USP6: variants seen among roughly 807,000 people sequenced by gnomAD.
USP6 encodes ubiquitin carboxyl-terminal hydrolase 6.
Under a neutral mutation model 175.7 loss-of-function variants are expected in USP6, and 128 were observed. The observed-to-expected ratio is 0.73, with a 90% CI of 0.63 to 0.84. The LOEUF (loss-of-function observed/expected upper bound fraction) is 0.84. Among genes scored for constraint, USP6 ranks in the 40% least tolerant of loss-of-function variants. The probability of loss-of-function intolerance (pLI) is 0.00; values close to 1 mark genes in which losing one functional copy is unlikely to be tolerated. For missense variants in USP6, 1,498 were observed against 1,760.3 expected, an observed-to-expected ratio of 0.85 and a Z score of 2.67; for synonymous variants, 562 against 630.6, an observed-to-expected ratio of 0.89 and a Z score of 1.63.
intron 30 of USP6, among the ~76,000 whole-genome samples, chr17:5,153,519 C>T (rs1039414461): frequency 1.8e-4 from 28 of 152,188 alleles, no homozygotes; most frequent in Non-Finnish European, 3.8e-4. Flanking sequence ...CTCCCGACCT[C>T]AGGTGATCCA....
chr17:5,126,234 A>T (rs1180720672), intron 6 of USP6, among the ~76,000 whole-genome samples: 2 of 152,176 alleles, frequency 1.3e-5, no homozygotes, highest in Non-Finnish European at 2.9e-5. Flanking sequence ...CCAGCTGCTT[A>T]GGGCCCAAGC....
At chr17:5,127,875 C>T (rs2072941254) in intron 7 of USP6, among the ~76,000 whole-genome samples, 2 of 152,182 alleles carry the variant, frequency 1.3e-5, no homozygotes, top group African/African-American at 4.8e-5. Context: ...ATGACAAGAA[C>T]AACGTCTGCA....
rs968113816 is a variant in USP6 at position 5,174,781 on chromosome 17, A to T, written c.*1803A>T. The T allele has an allele frequency of 1.0e-5, 2 of 199,678 alleles. No individual in the cohort carries two copies. The highest frequency in any genetic ancestry group is 2.1e-5 in the Non-Finnish European group (2 of 96,564). The allele number at this position is 199,678 out of a possible 1,614,324, so 12.4% of individuals were successfully genotyped here. A position where few individuals can be genotyped will look rare whatever the true frequency, so the allele number is the denominator to read the frequency against. ...CGGAAAATTTATTAAATTAACTATTAACTACATTCACCTTGTAAATTACTG... is the reference window on the plus strand; with the variant it reads ...CGGAAAATTTATTAAATTAACTATTTACTACATTCACCTTGTAAATTACTG... On this transcript the variant is annotated 3_prime_UTR_variant, in exon 38 of 38. Transcript: ENST00000574788.
rs117552317 is a variant in USP6, at chr17:5,164,706, G to A, written c.3036+1702G>A. Among the ~76,000 whole-genome samples, 68 of 152,346 alleles carry A rather than the reference G, an allele frequency of 4.5e-4. 1 individual carries two copies. The East Asian group carries it at 0.012, about 26-fold the overall frequency. On this transcript the variant is annotated intron_variant, in intron 33 of 37. Transcript: ENST00000574788. The stretch of plus-strand genomic sequence containing the variant: ...TGTTGATGCCTTGCTAGGGAGTGGG[G>A]CCATATGCCTAATCGGGGCTCCACT...
chr17:5,133,390 C>G, intron 13 of USP6, 53 bp from the exon 14 acceptor site: 1 of 1,534,912 alleles, frequency 6.5e-7, no homozygotes, highest in East Asian at 2.3e-5. Flanking sequence ...AGGCTCTGGT[C>G]CTCACTGGGG....
At position 5,174,651 on chromosome 17, in the gene USP6, A is replaced by G. The variant is rs1230073870; in HGVS notation, c.*1673A>G. 4 of 198,066 alleles carry G rather than the reference A, an allele frequency of 2.0e-5. No homozygotes were observed. Among genetic ancestry groups the G allele is most frequent in the Non-Finnish European group, 4.2e-5 (4 of 95,482 alleles). 12.3% of individuals were successfully genotyped at this position (198,066 alleles called of 1,614,324 possible). On this transcript the variant is annotated 3_prime_UTR_variant, in exon 38 of 38. Coordinates refer to ENST00000574788, the MANE Select transcript of USP6 (RefSeq NM_001304284.2). ...CCCATTAAAAAGTGGAAGATTTTAAATAATTTCTTTACAGATGTTTTATTT... is the reference window on the plus strand; with the variant it reads ...CCCATTAAAAAGTGGAAGATTTTAAGTAATTTCTTTACAGATGTTTTATTT...
At chr17:5,120,170 A>G (rs567054121) in intron 2 of USP6, among the ~76,000 whole-genome samples, 1 of 152,126 alleles carries the variant, frequency 6.6e-6, no homozygotes, top group Non-Finnish European at 1.5e-5. Context: ...GGCTGGTTAT[A>G]CATTGCTTTC....
chr17:5,117,835 C>CAA (rs2072569240), intron 1 of USP6, among the ~76,000 whole-genome samples: 1 of 152,116 alleles, frequency 6.6e-6, no homozygotes, highest in African/African-American at 2.4e-5. Flanking sequence ...TGGCTCACAC[C>CAA]TGTAATCCCA....
chr17:5,143,344 C>T (rs1047040242), intron 25 of USP6, among the ~76,000 whole-genome samples: 3 of 152,324 alleles, frequency 2.0e-5, no homozygotes, highest in East Asian at 3.9e-4. Flanking sequence ...ATTGAGAAAT[C>T]GGATGGTTGC....
chr17:5,136,799 G>T, intron 18 of USP6, 65 bp downstream of exon 18: 2 of 1,588,028 alleles, frequency 1.3e-6, no homozygotes, highest in South Asian at 1.1e-5. Flanking sequence ...TAGGAGCAGG[G>T]GGACTGGAGT....
chr17:5,142,194 A>G (rs2073467820), intron 24 of USP6, 53 bp downstream of exon 24: 1 of 1,577,200 alleles, frequency 6.3e-7, no homozygotes, highest in South Asian at 1.2e-5. Context: ...ATATAAACCC[A>G]CTATCACCTA....
intron 4 of USP6, 94 bp from the exon 5 acceptor site, chr17:5,124,472 T>C (rs2072826791): frequency 6.6e-6 from 1 of 152,326 alleles, no homozygotes; most frequent in African/African-American, 2.4e-5. Context: ...GATGGATTCC[T>C]GTCTACCCTC....
At chr17:5,170,346 G>A (rs865988833) in intron 35 of USP6, 133 bp from the exon 36 acceptor site, 5 of 1,354,480 alleles carry the variant, frequency 3.7e-6, no homozygotes, top group East Asian at 2.4e-5. Flanking sequence ...GGAACCAAAG[G>A]GTAGCCAGTC....
At position 5,168,859 on chromosome 17, in the gene USP6, T is replaced by G; in HGVS notation, c.3321T>G (p.Ser1107Arg). 6.2e-7 allele frequency: 1 copy of G among 1,612,842 alleles called. No homozygotes were observed. The highest frequency in any genetic ancestry group is 2.2e-5 in the East Asian group (1 of 44,882). ...VRFLRESFDPSAFLVPRDPAL... is the reference protein window; with the variant it reads ...VRFLRESFDPRAFLVPRDPAL... ...TTCTTCGGGAAAGTTTTGATCCGAG[T>G]GCTTTTTTGGTACCACGAGACCCGG... Residue 1107 changes from serine to arginine, a missense_variant, in exon 35 of 38, where the codon AGT (serine) becomes AGG (arginine). Ser to Arg is a moderately radical substitution (Grantham distance 110, BLOSUM62 -1). This residue lies in a region of USP6 where 1,217 missense variants were observed against 1,500.8 expected (regional missense o/e 0.81). Transcript: ENST00000574788.
chr17:5,125,678 G>GCACACACACACACACACACACACACACA (rs71151842), intron 5 of USP6, 143 bp from the exon 6 acceptor site: 1 of 137,592 alleles, frequency 7.3e-6, no homozygotes, highest in African/African-American at 2.8e-5. Context: ...ACACGCACAT[G>GCACACACACACACACACACACACACACA]CACACACACA....
rs1224683534 is a variant in USP6 at position 5,162,911 on chromosome 17, T to C, written c.2943T>C (p.Cys981=). Residue 981 remains cysteine (C), a synonymous_variant, in exon 33 of 38, where the codon TGT becomes TGC. Coordinates refer to ENST00000574788, the MANE Select transcript of USP6 (RefSeq NM_001304284.2). The part of the protein sequence containing the change: ...YRFCRGCKID[C]GEDRAFIGNA... ...TTTGCAGAGGCTGTAAAATTGATTG[T>C]GGGGAAGACAGAGCTTTCATTGGAA... 3.7e-6 allele frequency: 6 copies of C among 1,606,596 alleles called. No homozygotes were observed. Among genetic ancestry groups the C allele is most frequent in the African/African-American group, 1.3e-5 (1 of 74,486 alleles).
intron 30 of USP6, among the ~76,000 whole-genome samples, chr17:5,150,624 A>T (rs867404397): frequency 2.0e-5 from 3 of 151,660 alleles, no homozygotes; most frequent in African/African-American, 7.3e-5. Context: ...CCTCCCGAGT[A>T]GCTAGGACTA....
Position 5,173,064 on chromosome 17 carries a change from C to A in USP6, c.*86C>A. 6.7e-7 allele frequency: 1 copy of A among 1,497,034 alleles called. No homozygotes were observed. 92.7% of individuals were successfully genotyped at this position (1,497,034 alleles called of 1,614,324 possible). On this transcript the variant is annotated 3_prime_UTR_variant, in exon 38 of 38. Transcript: ENST00000574788. ...ACTTGGCAAAAGTGTCACTGAAAGA[C>A]AAGCTAAATGTAGTTATTTTATCCT...
chr17:5,147,175 T>C lies in USP6; in HGVS notation c.2412T>C (p.Ala804=). ...CTGTCCCTTCATCTCCAATTTCAGC[T>C]TCTAGTCCAACACAAATAGGTAAGA... ...EIPVPSSPIS[A]SSPTQIDFSS... is the part of the protein sequence containing the mutation. Residue 804 remains alanine (A), a synonymous_variant, in exon 29 of 38, where the codon GCT becomes GCC. Coordinates refer to ENST00000574788, the MANE Select transcript of USP6 (RefSeq NM_001304284.2). 1 of 1,613,440 alleles carries C rather than the reference T, an allele frequency of 6.2e-7. No individual in the cohort carries two copies. The highest frequency in any genetic ancestry group is 8.5e-7 in the Non-Finnish European group (1 of 1,179,666).
Sources: gnomAD v4.1 joint callset for allele counts (sites outside exome capture counted in the v4.1 genomes callset) on GRCh38, gnomAD v4.1.1 for gene constraint, gnomAD v4.1.1 regional missense constraint, MANE v1.5 for transcripts, NCBI Gene and HGNC (gene_info 2026-07-23, HGNC 2026-07-21) for gene names.